LARGE1: variants seen among roughly 807,000 people sequenced by gnomAD.
LARGE1 encodes LARGE xylosyl- and glucuronyltransferase 1, also known as xylosyl- and glucuronyltransferase LARGE1.
A neutral mutation model predicts 87.6 loss-of-function variants in LARGE1; 43 were observed. The observed-to-expected ratio is 0.49, with a 90% CI of 0.38 to 0.63. The LOEUF (loss-of-function observed/expected upper bound fraction) is 0.63. LARGE1 is among the 30% of genes least tolerant of loss of function. The probability of loss-of-function intolerance (pLI) is 0.00; values close to 1 mark genes in which losing one functional copy is unlikely to be tolerated. For synonymous variants in LARGE1, 434 were observed against 394.6 expected, an observed-to-expected ratio of 1.10 and a Z score of -1.18; for missense variants, 802 against 1,000.2, an observed-to-expected ratio of 0.80 and a Z score of 2.67.
intron 7 of LARGE1, among the ~76,000 whole-genome samples, chr22:33,424,783 G>A (rs1327586417): frequency 6.6e-6 from 1 of 152,078 alleles, no homozygotes; most frequent in Non-Finnish European, 1.5e-5. Context: ...GGTCGAGGCT[G>A]CAGCGAGCTG....
the LARGE1 span, among the ~76,000 whole-genome samples, chr22:33,079,221 CTTTTTTTTTTTTTTT>C: frequency 3.5e-5 from 3 of 85,776 alleles, no homozygotes; most frequent in African/African-American, 1.5e-4. Flanking sequence ...AGTTATCATT[CTTTTTTTTTTTTTTT>C]TTTTTTTTTT....
At position 33,626,195 on chromosome 22, in the gene LARGE1, G is replaced by A. The variant is rs140011504; in HGVS notation, c.491+49C>T. On this transcript the variant is annotated intron_variant, in intron 4 of 14. Coordinates refer to ENST00000397394, the MANE Select transcript of LARGE1 (RefSeq NM_133642.5). ...TAACCCTTCCCCAAGGAAATACACA[G>A]GCAGGCAGTGACAGACCTCAGCCCA... is the stretch of plus-strand genomic sequence containing the variant. 1.6e-4 allele frequency: 240 copies of A among 1,497,154 alleles called. 1 individual carries two copies. The African/African-American group carries it at 2.9e-3, about 18-fold the overall frequency. 92.7% of individuals were successfully genotyped at this position (1,497,154 alleles called of 1,614,324 possible).
chr22:33,613,490 C>CAAAATAG (rs1335717654), intron 4 of LARGE1, among the ~76,000 whole-genome samples: 1 of 152,178 alleles, frequency 6.6e-6, no homozygotes, highest in Non-Finnish European at 1.5e-5. Context: ...CTACTACACA[C>CAAAATAG]AAGTTTCTTC....
chr22:33,854,352 A>G (rs2063697300), intron 1 of LARGE1, among the ~76,000 whole-genome samples: 1 of 152,184 alleles, frequency 6.6e-6, no homozygotes, highest in Non-Finnish European at 1.5e-5. Flanking sequence ...GATGGCAGAA[A>G]AAAAAAATCT....
At chr22:33,768,083 G>A (rs1357006954) in intron 1 of LARGE1, among the ~76,000 whole-genome samples, 1 of 152,238 alleles carries the variant, frequency 6.6e-6, no homozygotes, top group African/African-American at 2.4e-5. Flanking sequence ...GCCGAGGCAG[G>A]CGAATCATGA....
intron 11 of LARGE1, among the ~76,000 whole-genome samples, chr22:33,214,624 C>G (rs968376159): frequency 6.6e-6 from 1 of 152,094 alleles, no homozygotes; most frequent in Non-Finnish European, 1.5e-5. Context: ...CCAGCACACT[C>G]TTCTATCTGC....
chr22:33,531,447 C>T (rs1457788055), intron 6 of LARGE1, among the ~76,000 whole-genome samples: 1 of 152,148 alleles, frequency 6.6e-6, no homozygotes, highest in Non-Finnish European at 1.5e-5. Flanking sequence ...CATGAGCCAC[C>T]GTGCCTGGCC....
intron 7 of LARGE1, among the ~76,000 whole-genome samples, chr22:33,431,756 G>T (rs937995167): frequency 3.3e-5 from 5 of 152,186 alleles, no homozygotes; most frequent in Non-Finnish European, 5.9e-5. Context: ...ACAGATCCCT[G>T]AAGACCTCAA....
chr22:33,465,572 A>G (rs768056363), intron 6 of LARGE1, among the ~76,000 whole-genome samples: 6 of 152,216 alleles, frequency 3.9e-5, no homozygotes, highest in Non-Finnish European at 7.4e-5. Flanking sequence ...TAGGCTTTGC[A>G]GGGCGTTCTG....
chr22:33,405,336 G>C (rs1296990631), intron 7 of LARGE1, among the ~76,000 whole-genome samples: 1 of 152,134 alleles, frequency 6.6e-6, no homozygotes, highest in African/African-American at 2.4e-5. Flanking sequence ...GTCAGTTCCA[G>C]AACAGGCCAA....
chr22:33,423,116 T>TGGAAAAATGTA (rs1349535956), intron 7 of LARGE1, among the ~76,000 whole-genome samples: 3 of 152,060 alleles, frequency 2.0e-5, no homozygotes, highest in Non-Finnish European at 4.4e-5. Flanking sequence ...TTCACTACTT[T>TGGAAAAATGTA]GGAAAAATGT....
At chr22:33,177,221 G>T (rs1602049797) in intron 11 of LARGE1, among the ~76,000 whole-genome samples, 1 of 152,054 alleles carries the variant, frequency 6.6e-6, no homozygotes, top group East Asian at 1.9e-4. Flanking sequence ...GGGTTGATGG[G>T]TGCAGCAAAC....
chr22:33,232,162 G>C (rs1926039692), intron 11 of LARGE1, among the ~76,000 whole-genome samples: 1 of 152,188 alleles, frequency 6.6e-6, no homozygotes. Context: ...ACACAATAGA[G>C]CCGATTTTCA....
At chr22:33,324,910 CAGGT>C (rs1489066128) in intron 10 of LARGE1, among the ~76,000 whole-genome samples, 4 of 106,944 alleles carry the variant, frequency 3.7e-5, no homozygotes, top group African/African-American at 1.8e-4. Context: ...CTCACTGGGT[CAGGT>C]AAAGTGGGGA....
At chr22:33,203,371 C>T (rs1924510811) in intron 11 of LARGE1, among the ~76,000 whole-genome samples, 1 of 152,178 alleles carries the variant, frequency 6.6e-6, no homozygotes, top group Non-Finnish European at 1.5e-5. Flanking sequence ...GGGAACCAGG[C>T]TTGTGAATTA....
intron 1 of LARGE1, among the ~76,000 whole-genome samples, chr22:33,786,854 T>C (rs1350762949): frequency 6.6e-6 from 1 of 151,916 alleles, no homozygotes; most frequent in African/African-American, 2.4e-5. Context: ...ACTCCGTCTC[T>C]ACTAAAAAAT....
intron 11 of LARGE1, among the ~76,000 whole-genome samples, chr22:33,206,592 C>G (rs1018596492): frequency 5.3e-5 from 8 of 152,142 alleles, no homozygotes; most frequent in Non-Finnish European, 1.0e-4. Context: ...CACCCAAGGA[C>G]ACATATGCAG....
At chr22:33,773,649 A>G (rs141470950) in intron 1 of LARGE1, among the ~76,000 whole-genome samples, 3 of 152,298 alleles carry the variant, frequency 2.0e-5, no homozygotes, top group Non-Finnish European at 4.4e-5. Context: ...AGCATTTACA[A>G]AGCTCTGGGA....
At chr22:33,837,794 C>G (rs772039007) in intron 1 of LARGE1, among the ~76,000 whole-genome samples, 3 of 152,200 alleles carry the variant, frequency 2.0e-5, no homozygotes, top group Non-Finnish European at 4.4e-5. Flanking sequence ...TAAGGTGGTG[C>G]CTTCAGCCCC....
Sources: allele counts gnomAD v4.1 joint callset (sites outside exome capture counted in the v4.1 genomes callset), GRCh38; gene constraint gnomAD v4.1.1; transcripts MANE v1.5; gene names NCBI Gene and HGNC (gene_info 2026-07-23, HGNC 2026-07-21).